SNX25: variants seen among roughly 807,000 people sequenced by gnomAD.
SNX25 encodes sorting nexin 25.
A neutral mutation model predicts 113.7 loss-of-function variants in SNX25; 62 were observed. That is an observed-to-expected ratio of 0.55 (90% CI 0.44 to 0.67). SNX25 has a LOEUF of 0.67. SNX25 is among the 30% of genes least tolerant of loss of function. The pLI, the probability that SNX25 is intolerant of heterozygous loss-of-function variation, is 0.00. For synonymous variants in SNX25, 421 were observed against 436.2 expected (o/e 0.97, Z 0.43); for missense variants, 1,014 against 1,161.0 (o/e 0.87, Z 1.84).
intron 16 of SNX25, 110 bp from the exon 17 acceptor site, chr4:185,361,814 C>A: frequency 1.2e-6 from 1 of 824,092 alleles, no homozygotes; most frequent in Non-Finnish European, 1.8e-6. Flanking sequence ...GTTTATTCAT[C>A]AAACACTTAG....
intron 5 of SNX25, among the ~76,000 whole-genome samples, chr4:185,272,804 A>G (rs951199245): frequency 6.6e-6 from 1 of 152,190 alleles, no homozygotes; most frequent in Non-Finnish European, 1.5e-5. Context: ...TGATCGGGAT[A>G]CCTCATTCTT....
At chr4:185,239,276 G>A (rs939812318) in intron 1 of SNX25, among the ~76,000 whole-genome samples, 49 of 148,146 alleles carry the variant, frequency 3.3e-4, no homozygotes, top group South Asian at 1.1e-3. Context: ...GAGGTCAGGA[G>A]ATCGAGACCA....
At chr4:185,353,958 T>C (rs988825238) in intron 15 of SNX25, among the ~76,000 whole-genome samples, 4 of 151,670 alleles carry the variant, frequency 2.6e-5, no homozygotes, top group Admixed American at 2.6e-4. Flanking sequence ...GTGGGAGAAT[T>C]GCTTGAACCC....
chr4:185,259,345 A>G (rs76949483), intron 3 of SNX25, among the ~76,000 whole-genome samples: 1,945 of 152,316 alleles, frequency 0.013, 39 homozygotes, highest in South Asian at 0.055. Flanking sequence ...TATGAGTACT[A>G]GAAATAAAAA....
intron 5 of SNX25, among the ~76,000 whole-genome samples, chr4:185,282,304 G>A (rs1750718114): frequency 6.6e-6 from 1 of 152,038 alleles, no homozygotes; most frequent in Non-Finnish European, 1.5e-5. Context: ...TGGGATTGCA[G>A]GCACCCGCCA....
At chr4:185,357,641 TA>T in intron 15 of SNX25, 29 bp from the exon 16 acceptor site, 1 of 1,591,924 alleles carries the variant, frequency 6.3e-7, no homozygotes, top group Non-Finnish European at 8.6e-7. Context: ...TGCCCTGTGA[TA>T]AAAAGTTTTC....
chr4:185,287,947 A>G (rs1403951077), intron 5 of SNX25, 65 bp from the exon 6 acceptor site: 6 of 1,317,816 alleles, frequency 4.6e-6, no homozygotes, highest in Non-Finnish European at 6.4e-6. Flanking sequence ...TACAGTCTAA[A>G]GTTATTTCTG....
Position 185,209,856 on chromosome 4 carries a change from C to T in SNX25, c.30C>T (p.Gly10=). The T allele has an allele frequency of 1.0e-6, 1 of 983,432 alleles. No homozygotes were observed. The allele number at this position is 983,432 out of a possible 1,614,324, so 60.9% of individuals were successfully genotyped here. ...ACCCCGATGCGACCGACAGTGGCGG[C>T]GCCGGCCCCAGCCCCGCGCGGGCCG... is the stretch of plus-strand genomic sequence containing the variant. MHPDATDSG[G]AGPSPARAAG... is the part of the protein sequence containing the mutation. Residue 10 remains glycine (G), a synonymous_variant, in exon 1 of 19, where the codon GGC becomes GGT. Transcript: ENST00000652585. The surrounding 1 kb of genome is among the most constrained non-coding windows in gnomAD (Gnocchi z 5.2).
downstream of SNX25, among the ~76,000 whole-genome samples, chr4:185,371,492 A>G (rs1352565223): frequency 6.9e-6 from 1 of 145,780 alleles, no homozygotes; most frequent in Non-Finnish European, 1.5e-5. Flanking sequence ...CAGTGAGCCG[A>G]GATCGCACCA....
At chr4:185,294,820 C>CT (rs553193099) in intron 6 of SNX25, among the ~76,000 whole-genome samples, 87 of 146,060 alleles carry the variant, frequency 6.0e-4, no homozygotes, top group Middle Eastern at 3.6e-3. Context: ...AGTACGGATA[C>CT]TTTTTTTTTT....
intron 1 of SNX25, among the ~76,000 whole-genome samples, chr4:185,226,569 A>G (rs7671608): frequency 0.66 from 99,798 of 151,984 alleles, 32,841 homozygotes; most frequent in East Asian, 0.76. Flanking sequence ...TCCCACCTCA[A>G]CCTCCTGAGT....
intron 1 of SNX25, among the ~76,000 whole-genome samples, chr4:185,241,285 G>A (rs577779658): frequency 1.3e-5 from 2 of 152,110 alleles, no homozygotes; most frequent in African/African-American, 2.4e-5. Context: ...AGACCAGCCC[G>A]GCCAACACAG....
At chr4:185,340,422 G>C (rs2095254034) in intron 11 of SNX25, among the ~76,000 whole-genome samples, 1 of 152,172 alleles carries the variant, frequency 6.6e-6, no homozygotes, top group Admixed American at 6.5e-5. Context: ...TATGTCTTTG[G>C]CACTTGCTGG....
chr4:185,264,650 G>A (rs1423859558), intron 4 of SNX25, 40 bp downstream of exon 4: 1 of 1,588,670 alleles, frequency 6.3e-7, no homozygotes, highest in African/African-American at 1.3e-5. Context: ...CAATAAGTGT[G>A]CAAACTAATG....
chr4:185,205,852 C>T (rs1240311852), upstream of SNX25, among the ~76,000 whole-genome samples: 1 of 152,000 alleles, frequency 6.6e-6, no homozygotes, highest in Non-Finnish European at 1.5e-5. Flanking sequence ...AAACTGTGGT[C>T]AAAAGTTTAT....
intron 12 of SNX25, among the ~76,000 whole-genome samples, chr4:185,343,567 A>G (rs1189882058): frequency 6.6e-6 from 1 of 152,262 alleles, no homozygotes; most frequent in African/African-American, 2.4e-5. Flanking sequence ...GACTTGTCAT[A>G]GGACATGTAC....
downstream of SNX25, among the ~76,000 whole-genome samples, chr4:185,373,522 G>C (rs1480742198): frequency 6.6e-6 from 1 of 152,200 alleles, no homozygotes; most frequent in Non-Finnish European, 1.5e-5. Context: ...GATAAACGCT[G>C]TATGTAGGCT....
At chr4:185,267,236 A>C (rs1182240282) in intron 5 of SNX25, 81 bp downstream of exon 5, 9 of 1,322,536 alleles carry the variant, frequency 6.8e-6, no homozygotes, top group Non-Finnish European at 9.5e-6. Flanking sequence ...AAAAAAAAGT[A>C]GTTGTCAGGG....
chr4:185,302,340 C>T lies in SNX25; in HGVS notation c.1163-8295C>T, dbSNP rs551494578. Among the ~76,000 whole-genome samples the T allele has an allele frequency of 9.2e-5, 14 of 152,226 alleles. No homozygotes were observed. The South Asian group carries it at 1.7e-3, about 18-fold the overall frequency. ...GAACCCTGACTTGAAGCTGGTTGGT[C>T]AGAAGTTCTGGAGGCCTAGACTTGC... On this transcript the variant is annotated intron_variant, in intron 6 of 18. Coordinates refer to ENST00000652585, the MANE Select transcript of SNX25 (RefSeq NM_001378034.2).
Sources: gnomAD v4.1 joint callset for allele counts (sites outside exome capture counted in the v4.1 genomes callset) on GRCh38, gnomAD v4.1.1 for gene constraint, Gnocchi (gnomAD v3.1) non-coding constraint, MANE v1.5 for transcripts, NCBI Gene and HGNC (gene_info 2026-07-23, HGNC 2026-07-21) for gene names.